ABHD3: variants seen among roughly 807,000 people sequenced by gnomAD.
ABHD3 encodes the protein abhydrolase domain containing 3, phospholipase.
Under a neutral mutation model 48.8 loss-of-function variants are expected in ABHD3, and 46 were observed. The observed-to-expected ratio is 0.94, with a 90% confidence interval of 0.74 to 1.20. ABHD3 has a LOEUF of 1.20. ABHD3 is among the 50% of genes most tolerant of loss of function. The probability of loss-of-function intolerance (pLI) is 0.00; values close to 1 mark genes in which losing one functional copy is unlikely to be tolerated. For missense variants in ABHD3, 490 were observed against 497.8 expected (o/e 0.98, Z 0.15); for synonymous variants, 192 against 183.7 (o/e 1.04, Z -0.36).
chr18:21,704,307 C>A (rs1036791568), intron 1 of ABHD3, among the ~76,000 whole-genome samples, 197 bp downstream of exon 1: 1 of 152,140 alleles, frequency 6.6e-6, no homozygotes, highest in South Asian at 2.1e-4. Flanking sequence ...GAGGACCACC[C>A]GGCCGGGACC....
intron 3 of ABHD3, among the ~76,000 whole-genome samples, chr18:21,689,001 C>T (rs1371548496): frequency 6.6e-6 from 1 of 152,034 alleles, no homozygotes; most frequent in African/African-American, 2.4e-5. Context: ...GAAGTTCTGC[C>T]TCTAGTAATG....
At chr18:21,687,658 C>T (rs974133564) in intron 3 of ABHD3, among the ~76,000 whole-genome samples, 1 of 151,996 alleles carries the variant, frequency 6.6e-6, no homozygotes, top group African/African-American at 2.4e-5. Flanking sequence ...TCCCTCAAAA[C>T]AAGGAAAACA....
chr18:21,694,103 T>A (rs1007504456), intron 3 of ABHD3, among the ~76,000 whole-genome samples: 68 of 149,254 alleles, frequency 4.6e-4, no homozygotes, highest in East Asian at 1.5e-3. Context: ...ACATTTTTTT[T>A]TAAAATTTAT....
chr18:21,651,754 A>C lies in ABHD3; in HGVS notation c.1067T>G (p.Ile356Arg). ...ATTAGGATTTTGCTTAGCAGTTTCT[A>C]TTGGAATAGCTTCAGACCAAAAAAA... Reference protein sequence around the residue: ...DVFSPSHAIPIETAKQNPNVA... With the variant: ...DVFSPSHAIPRETAKQNPNVA... The change falls in exon 9 of 9, where the codon ATA (isoleucine) becomes AGA (arginine). Residue 356 changes from isoleucine to arginine, a missense_variant. Ile to Arg is a moderately conservative substitution (Grantham distance 97). Transcript: ENST00000289119. The C allele has an allele frequency of 6.4e-7, 1 of 1,559,806 alleles. No individual in the cohort carries two copies. The highest frequency in any genetic ancestry group is 1.2e-5 in the South Asian group (1 of 84,142).
chr18:21,686,230 G>A (rs930635215), intron 3 of ABHD3, among the ~76,000 whole-genome samples: 2 of 152,188 alleles, frequency 1.3e-5, no homozygotes, highest in Non-Finnish European at 2.9e-5. Flanking sequence ...AAAAACAATG[G>A]CAAGATATCT....
chr18:21,669,883 C>G (rs2146298767), intron 4 of ABHD3, among the ~76,000 whole-genome samples: 1 of 152,166 alleles, frequency 6.6e-6, no homozygotes, highest in South Asian at 2.1e-4. Flanking sequence ...AAAAGGGGCC[C>G]TGAAGCAAGG....
At chr18:21,703,212 C>A in intron 2 of ABHD3, among the ~76,000 whole-genome samples, 1 of 110,934 alleles carries the variant, frequency 9.0e-6, no homozygotes. Context: ...GCATCCTTCT[C>A]ACCCCACCCC....
intron 4 of ABHD3, among the ~76,000 whole-genome samples, chr18:21,665,728 C>T (rs924923284): frequency 7.9e-5 from 12 of 151,086 alleles, no homozygotes; most frequent in African/African-American, 1.7e-4. Flanking sequence ...AGGAGAATGG[C>T]GTGAACCCGG....
chr18:21,664,373 C>A, intron 4 of ABHD3, 143 bp from the exon 5 acceptor site: 1 of 758,170 alleles, frequency 1.3e-6, no homozygotes, highest in Non-Finnish European at 2.0e-6. Context: ...AATAATTTAT[C>A]ATTTTCCTGT....
intron 4 of ABHD3, among the ~76,000 whole-genome samples, chr18:21,677,674 GTTATTTAT>G (rs139403965): frequency 2.6e-5 from 4 of 151,302 alleles, no homozygotes; most frequent in Non-Finnish European, 2.9e-5. Context: ...TTTGTTTTTG[GTTATTTAT>G]TTATTTATTT....
At chr18:21,663,878 C>T (rs923592492) in intron 5 of ABHD3, 11 of 1,451,874 alleles carry the variant, frequency 7.6e-6, no homozygotes, top group African/African-American at 1.4e-5. Flanking sequence ...TCAGACAAAC[C>T]TTCAGGCTCA....
At chr18:21,703,831 TCGCG>T in intron 1 of ABHD3, 84 bp from the exon 2 acceptor site, 3 of 1,482,850 alleles carry the variant, frequency 2.0e-6, no homozygotes, top group Non-Finnish European at 2.8e-6. Flanking sequence ...GACTTGTCGC[TCGCG>T]CGCGCGCTTC....
At chr18:21,674,764 G>T (rs750449603) in intron 4 of ABHD3, among the ~76,000 whole-genome samples, 16 of 152,170 alleles carry the variant, frequency 1.1e-4, no homozygotes, top group Non-Finnish European at 2.1e-4. Flanking sequence ...CAGTAGGGAG[G>T]TACTGCATGT....
intron 3 of ABHD3, among the ~76,000 whole-genome samples, chr18:21,689,616 A>T (rs1345638186): frequency 2.6e-5 from 4 of 151,618 alleles, no homozygotes; most frequent in Non-Finnish European, 5.9e-5. Flanking sequence ...CTATTAAAAC[A>T]GTTTGGGGCA....
At chr18:21,666,254 C>T (rs983206071) in intron 4 of ABHD3, among the ~76,000 whole-genome samples, 3 of 151,994 alleles carry the variant, frequency 2.0e-5, no homozygotes, top group South Asian at 2.1e-4. Flanking sequence ...AGTGCTGTGG[C>T]GCGATCTTGG....
chr18:21,692,099 A>T (rs142239011), intron 3 of ABHD3, among the ~76,000 whole-genome samples: 6 of 152,166 alleles, frequency 3.9e-5, no homozygotes, highest in African/African-American at 1.4e-4. Context: ...ACAGGCGTCC[A>T]CCACCACACT....
intron 3 of ABHD3, among the ~76,000 whole-genome samples, chr18:21,700,827 C>CAAAAAAAAAAAAAAAAAAAAAAAAAA (rs375239917): frequency 3.2e-5 from 3 of 94,374 alleles, no homozygotes; most frequent in African/African-American, 1.0e-4. Flanking sequence ...AAGTTTTAGC[C>CAAAAAAAAAAAAAAAAAAAAAAAAAA]AAAAAAAAAA....
intron 5 of ABHD3, among the ~76,000 whole-genome samples, chr18:21,661,125 A>AG (rs1453322238): frequency 2.0e-5 from 3 of 150,914 alleles, no homozygotes; most frequent in African/African-American, 7.3e-5. Flanking sequence ...AAAAAAAAAA[A>AG]AGAGAAATAA....
Position 21,704,507 on chromosome 18 carries a change from G to T in ABHD3, c.159C>A (p.Ala53=). The change falls in exon 1 of 9, where the codon GCC becomes GCA. Residue 53 remains alanine (A), a synonymous_variant. Transcript: ENST00000289119. ...AYAFYYLSSI[A]KKPQLVTGGE... ...CCCTGCGCCACCCCCGGCTCACCTT[G>T]GCAATGCTGCTCAGGTAGTAGAAGG... 6.9e-7 allele frequency: 1 copy of T among 1,457,230 alleles called. No homozygotes were observed. The highest frequency in any genetic ancestry group is 2.5e-5 in the Admixed American group (1 of 39,230). The allele number at this position is 1,457,230 out of a possible 1,614,324, so 90.3% of individuals were successfully genotyped here.
Sources: allele counts gnomAD v4.1 joint callset (sites outside exome capture counted in the v4.1 genomes callset), GRCh38; gene constraint gnomAD v4.1.1; transcripts MANE v1.5; gene names NCBI Gene and HGNC (gene_info 2026-07-23, HGNC 2026-07-21).